Variants in HSF5 observed in about 807,000 individuals in gnomAD.
HSF5 encodes the protein heat shock transcription factor 5.
HSF5 carries 5 observed loss-of-function variants against 50.8 expected under a neutral mutation model. The ratio of observed to expected loss-of-function variants is 0.10; its 90% confidence interval spans 0.05 to 0.21. HSF5 has a LOEUF of 0.21. Among genes scored for constraint, HSF5 ranks in the 10% least tolerant of loss-of-function variants. HSF5 has a pLI of 1.00. For synonymous variants in HSF5, 307 were observed against 307.4 expected, an observed-to-expected ratio of 1.00 and a Z score of 0.02; for missense variants, 564 against 762.6, an observed-to-expected ratio of 0.74 and a Z score of 3.07.
At chr17:58,451,344 C>G (rs1010338233) in intron 5 of HSF5, among the ~76,000 whole-genome samples, 1 of 152,162 alleles carries the variant, frequency 6.6e-6, no homozygotes, top group Non-Finnish European at 1.5e-5. Flanking sequence ...ATGGACCTAA[C>G]AAACATTTAC....
At chr17:58,463,731 T>A (rs934214803) in intron 3 of HSF5, among the ~76,000 whole-genome samples, 1 of 152,212 alleles carries the variant, frequency 6.6e-6, no homozygotes, top group Non-Finnish European at 1.5e-5. Context: ...AGTCTACCAA[T>A]CCTTCTACAG....
intron 5 of HSF5, among the ~76,000 whole-genome samples, chr17:58,427,396 G>C (rs1423512850): frequency 6.6e-6 from 1 of 152,146 alleles, no homozygotes; most frequent in Non-Finnish European, 1.5e-5. Context: ...GCACTGATAA[G>C]TTCTGCAATA....
At chr17:58,437,496 T>C in intron 5 of HSF5, among the ~76,000 whole-genome samples, 1 of 152,208 alleles carries the variant, frequency 6.6e-6, no homozygotes, top group Non-Finnish European at 1.5e-5. Context: ...AATCCTATTA[T>C]ATATACATAT....
chr17:58,466,678 T>C (rs994784662), intron 3 of HSF5, among the ~76,000 whole-genome samples: 11 of 152,202 alleles, frequency 7.2e-5, no homozygotes, highest in Non-Finnish European at 1.3e-4. Flanking sequence ...GTGGCTACTA[T>C]ATTGAACAGT....
At chr17:58,486,432 A>G (rs1381996420) in intron 1 of HSF5, among the ~76,000 whole-genome samples, 2 of 152,230 alleles carry the variant, frequency 1.3e-5, no homozygotes, top group Non-Finnish European at 2.9e-5. Context: ...ACTTTTACTA[A>G]ATACAGATGT....
intron 5 of HSF5, among the ~76,000 whole-genome samples, chr17:58,445,368 C>T (rs1489818727): frequency 6.6e-6 from 1 of 152,070 alleles, no homozygotes; most frequent in Admixed American, 6.5e-5. Context: ...TATTTGAGTC[C>T]AGGAGTTTTG....
At chr17:58,481,652 C>T (rs1479011441) in intron 1 of HSF5, among the ~76,000 whole-genome samples, 2 of 152,132 alleles carry the variant, frequency 1.3e-5, no homozygotes, top group African/African-American at 4.8e-5. Flanking sequence ...GATTGTAAAC[C>T]CATTCAACAA....
intron 2 of HSF5, among the ~76,000 whole-genome samples, chr17:58,475,467 C>A (rs1393578079): frequency 1.3e-5 from 2 of 152,186 alleles, no homozygotes; most frequent in African/African-American, 4.8e-5. Context: ...TCTGCAGATT[C>A]TCCCATTGAG....
rs1975075481 is a variant in HSF5, at chr17:58,480,013, G to C, written c.805C>G (p.Leu269Val). The C allele has an allele frequency of 6.2e-7, 1 of 1,614,042 alleles. No homozygotes were observed. Among genetic ancestry groups the C allele is most frequent in the African/African-American group, 1.3e-5 (1 of 74,918 alleles). The change falls in exon 2 of 6, where the codon CTG becomes GTG. Residue 269 changes from leucine to valine, a missense_variant. Physicochemically the swap from Leu to Val is conservative, Grantham distance 32. Coordinates refer to ENST00000323777, the MANE Select transcript of HSF5 (RefSeq NM_001080439.3). ...QRFPTEVTYT[L>V]QPSTTSVHVQ... ...TGTACAGATGTGGTGCTGGGCTGCA[G>C]TGTATAGGTAACCTCAGTTGGAAAC...
rs1452110654 is a variant in HSF5, at chr17:58,488,104, C to T, written c.171G>A (p.Gly57=). The T allele has an allele frequency of 7.6e-6, 12 of 1,573,162 alleles. No individual in the cohort carries two copies. The highest frequency in any genetic ancestry group is 1.0e-5 in the Non-Finnish European group (12 of 1,167,446). ...EAELLSPPGP[G]GGGGTAGAGA... is the part of the protein sequence containing the mutation. ...CGGCCCCCGCAGTCCCGCCACCGCC[C>T]CCCGGCCCGGGCGGGCTGAGCAGCT... The change falls in exon 1 of 6, where the codon GGG becomes GGA. Residue 57 remains glycine (G), a synonymous_variant. Transcript: ENST00000323777. The surrounding 1 kb of genome is among the most constrained non-coding windows in gnomAD (Gnocchi z 4.1).
intron 1 of HSF5, among the ~76,000 whole-genome samples, chr17:58,485,480 C>T (rs994897050): frequency 6.6e-6 from 1 of 151,932 alleles, no homozygotes; most frequent in Non-Finnish European, 1.5e-5. Flanking sequence ...GCAGTGGTGG[C>T]TCACGCCTGT....
At chr17:58,460,533 G>A (rs1285402218) in intron 4 of HSF5, among the ~76,000 whole-genome samples, 3 of 130,730 alleles carry the variant, frequency 2.3e-5, no homozygotes, top group Non-Finnish European at 3.3e-5. Context: ...TTTTTGAGAC[G>A]GAGTCTCGCT....
At chr17:58,454,055 C>G (rs928635867) in intron 5 of HSF5, among the ~76,000 whole-genome samples, 2 of 152,042 alleles carry the variant, frequency 1.3e-5, no homozygotes, top group Non-Finnish European at 2.9e-5. Context: ...GATTGCGCCA[C>G]TGCACTTCAG....
At position 58,421,058 on chromosome 17, in the gene HSF5, C is replaced by T. The variant is rs1480838417; in HGVS notation, c.*1302G>A. On this transcript the variant is annotated 3_prime_UTR_variant, in exon 6 of 6. Transcript: ENST00000323777. ...CTTAATAGGAGAACTGAAACAGAATCCAATAAGAAAGTTTTGGTCAATTGA... is the reference window on the plus strand; with the variant it reads ...CTTAATAGGAGAACTGAAACAGAATTCAATAAGAAAGTTTTGGTCAATTGA... 1 of 152,580 alleles carries T rather than the reference C, an allele frequency of 6.6e-6. No individual in the cohort carries two copies. The highest frequency in any genetic ancestry group is 1.5e-5 in the Non-Finnish European group (1 of 68,016). 9.5% of individuals were successfully genotyped at this position (152,580 alleles called of 1,614,324 possible). A position where few individuals can be genotyped will look rare whatever the true frequency, so the allele number is the denominator to read the frequency against.
intron 1 of HSF5, among the ~76,000 whole-genome samples, chr17:58,482,262 GA>G (rs1185304780): frequency 6.6e-6 from 1 of 152,116 alleles, no homozygotes; most frequent in Admixed American, 6.6e-5. Flanking sequence ...TCAAATGATA[GA>G]TCTCTTAAAA....
intron 1 of HSF5, among the ~76,000 whole-genome samples, chr17:58,484,838 T>C (rs1053955664): frequency 1.3e-5 from 2 of 152,060 alleles, no homozygotes; most frequent in Non-Finnish European, 2.9e-5. Flanking sequence ...AAATTCCAAA[T>C]GAACCAAGTA....
At chr17:58,425,513 A>G (rs1300344270) in intron 5 of HSF5, among the ~76,000 whole-genome samples, 11 of 131,856 alleles carry the variant, frequency 8.3e-5, no homozygotes, top group Non-Finnish European at 1.1e-4. Flanking sequence ...GCAGTGTCCT[A>G]TGATTGCATC....
At chr17:58,486,300 G>T (rs1975178847) in intron 1 of HSF5, among the ~76,000 whole-genome samples, 1 of 152,204 alleles carries the variant, frequency 6.6e-6, no homozygotes, top group South Asian at 2.1e-4. Flanking sequence ...GAGAGGCGGA[G>T]GTTGTGGTGA....
intron 5 of HSF5, among the ~76,000 whole-genome samples, chr17:58,431,210 C>A (rs1347834750): frequency 6.6e-6 from 1 of 152,204 alleles, no homozygotes; most frequent in African/African-American, 2.4e-5. Flanking sequence ...TATTAAACCT[C>A]TTTCTTTTGT....
Sources: gnomAD v4.1 joint callset for allele counts (sites outside exome capture counted in the v4.1 genomes callset) on GRCh38, gnomAD v4.1.1 for gene constraint, Gnocchi (gnomAD v3.1) non-coding constraint, MANE v1.5 for transcripts, NCBI Gene and HGNC (gene_info 2026-07-23, HGNC 2026-07-21) for gene names.